MALRD1: variants seen among roughly 807,000 people sequenced by gnomAD.
MALRD1 encodes the protein MAM and LDL-receptor class A domain-containing protein 1.
In MALRD1, 247 loss-of-function variants were observed where a neutral mutation model predicts 242.1. The ratio of observed to expected loss-of-function variants is 1.02; its 90% CI spans 0.92 to 1.13. The LOEUF (loss-of-function observed/expected upper bound fraction) is 1.13, where lower values mean the gene tolerates loss of function less well. MALRD1 is among the 50% of genes most tolerant of loss of function. MALRD1 has a pLI of 0.00. For synonymous variants in MALRD1, 995 were observed against 866.6 expected (o/e 1.15, Z -2.60); for missense variants, 2,989 against 2,533.1 (o/e 1.18, Z -3.86).
chr10:19,517,708 C>T (rs1441240710), intron 31 of MALRD1, among the ~76,000 whole-genome samples: 1 of 152,072 alleles, frequency 6.6e-6, no homozygotes, highest in African/African-American at 2.4e-5. Flanking sequence ...TCAGTATGAG[C>T]CTGGGCACAG....
intron 2 of MALRD1, among the ~76,000 whole-genome samples, chr10:19,081,838 A>G (rs1385387856): frequency 9.9e-5 from 15 of 151,944 alleles, no homozygotes; most frequent in Non-Finnish European, 4.4e-5. Context: ...TCTTTTGGTT[A>G]TTGTTTTTAT....
intron 19 of MALRD1, among the ~76,000 whole-genome samples, chr10:19,276,252 A>T (rs1167345401): frequency 6.6e-6 from 1 of 152,016 alleles, no homozygotes; most frequent in East Asian, 1.9e-4. Flanking sequence ...TTGATATAGG[A>T]CATACAAATA....
intron 26 of MALRD1, among the ~76,000 whole-genome samples, chr10:19,373,201 T>TAAAAAAAAAAAAAAAAAA (rs1845457821): frequency 3.2e-5 from 1 of 31,434 alleles, no homozygotes; most frequent in Non-Finnish European, 6.3e-5. Flanking sequence ...AAACGCTAAA[T>TAAAAAAAAAAAAAAAAAA]ACAAAAAAAA....
intron 31 of MALRD1, among the ~76,000 whole-genome samples, chr10:19,519,549 A>G (rs1235498696): frequency 6.6e-6 from 1 of 152,142 alleles, no homozygotes; most frequent in African/African-American, 2.4e-5. Context: ...CAGGAGGACT[A>G]CTTGAGCCCA....
At chr10:19,220,426 A>G (rs1837508686) in intron 18 of MALRD1, among the ~76,000 whole-genome samples, 1 of 152,312 alleles carries the variant, frequency 6.6e-6, no homozygotes, top group East Asian at 1.9e-4. Context: ...CACTGAGCAT[A>G]TTACAGACCT....
chr10:19,318,145 G>T (rs1198944155), intron 21 of MALRD1, among the ~76,000 whole-genome samples: 2 of 151,980 alleles, frequency 1.3e-5, no homozygotes, highest in Admixed American at 1.3e-4. Context: ...TCCTCTGCAG[G>T]TTTATGCTTG....
chr10:19,722,226 C>T (rs1452355888), intron 38 of MALRD1: 2 of 152,132 alleles, frequency 1.3e-5, no homozygotes, highest in Non-Finnish European at 2.9e-5. Flanking sequence ...GTTGCTCCAT[C>T]TGTAATAGAA....
intron 36 of MALRD1, among the ~76,000 whole-genome samples, chr10:19,641,234 C>A (rs1840373206): frequency 6.6e-6 from 1 of 152,142 alleles, no homozygotes; most frequent in African/African-American, 2.4e-5. Context: ...TTGAAAACCT[C>A]ATTCTCAGAT....
intron 2 of MALRD1, among the ~76,000 whole-genome samples, chr10:19,070,573 AT>A (rs1254213896): frequency 2.6e-5 from 4 of 152,018 alleles, no homozygotes; most frequent in African/African-American, 9.7e-5. Flanking sequence ...CTTTTCATCC[AT>A]TTTAAGAATA....
chr10:19,260,369 CCTAT>C (rs1839693794), intron 19 of MALRD1, among the ~76,000 whole-genome samples: 1 of 152,068 alleles, frequency 6.6e-6, no homozygotes, highest in Non-Finnish European at 1.5e-5. Flanking sequence ...TTCACGTGGT[CCTAT>C]CTCTCTGAGA....
intron 2 of MALRD1, among the ~76,000 whole-genome samples, chr10:19,071,302 A>ATT (rs11387302): frequency 0.028 from 4,024 of 146,114 alleles, 173 homozygotes; most frequent in African/African-American, 0.094. Context: ...GGGGGCACTC[A>ATT]TTTTTTTTTT....
intron 14 of MALRD1, among the ~76,000 whole-genome samples, chr10:19,185,653 T>C (rs1212462175): frequency 1.3e-5 from 2 of 152,220 alleles, no homozygotes; most frequent in African/African-American, 4.8e-5. Flanking sequence ...TCATTTTATG[T>C]GTGTTGATAC....
chr10:19,337,433 A>G (rs1285952137), intron 24 of MALRD1, among the ~76,000 whole-genome samples: 1 of 152,128 alleles, frequency 6.6e-6, no homozygotes, highest in African/African-American at 2.4e-5. Context: ...CTTTTTAGTT[A>G]TAGCCATCCT....
intron 28 of MALRD1, among the ~76,000 whole-genome samples, chr10:19,448,021 A>G (rs952723730): frequency 3.9e-5 from 6 of 152,298 alleles, no homozygotes; most frequent in African/African-American, 1.4e-4. Context: ...TAACTGATGC[A>G]TAGTTGTGCT....
At chr10:19,705,885 A>G (rs1833844117) in intron 38 of MALRD1, among the ~76,000 whole-genome samples, 1 of 151,316 alleles carries the variant, frequency 6.6e-6, no homozygotes, top group Non-Finnish European at 1.5e-5. Flanking sequence ...TATTCCACCC[A>G]GAAAACATTC....
chr10:19,292,532 T>G (rs933309994), intron 21 of MALRD1, among the ~76,000 whole-genome samples: 1 of 152,162 alleles, frequency 6.6e-6, no homozygotes, highest in African/African-American at 2.4e-5. Context: ...CTGCTGCTCA[T>G]GCACCTGCTT....
At chr10:19,624,788 C>T (rs1394879047) in intron 36 of MALRD1, among the ~76,000 whole-genome samples, 1 of 150,022 alleles carries the variant, frequency 6.7e-6, no homozygotes, top group East Asian at 2.0e-4. Context: ...ATCACCTGAA[C>T]CTGGGAGGTG....
chr10:19,550,759 T>C (rs768667923), intron 32 of MALRD1, among the ~76,000 whole-genome samples: 3 of 152,158 alleles, frequency 2.0e-5, no homozygotes, highest in Non-Finnish European at 4.4e-5. Context: ...GGGGTTTAGG[T>C]TGATTCCATG....
chr10:19,614,538 C>G (rs994441525), intron 35 of MALRD1, among the ~76,000 whole-genome samples: 2 of 151,938 alleles, frequency 1.3e-5, no homozygotes, highest in African/African-American at 4.8e-5. Context: ...CTAGGAGCAA[C>G]TTGGGTCTTA....
Sources: gnomAD v4.1 joint callset for allele counts (sites outside exome capture counted in the v4.1 genomes callset) on GRCh38, gnomAD v4.1.1 for gene constraint, MANE v1.5 for transcripts, NCBI Gene and HGNC (gene_info 2026-07-23, HGNC 2026-07-21) for gene names.